SRRM4: variants seen among roughly 807,000 people sequenced by gnomAD.
SRRM4 encodes serine/arginine repetitive matrix protein 4.
In SRRM4, 33 loss-of-function variants were observed where a neutral mutation model predicts 68.9. The observed-to-expected ratio is 0.48, with a 90% CI of 0.36 to 0.64. The LOEUF is 0.64. Ranked by LOEUF, SRRM4 falls within the 30% of genes least tolerant of loss-of-function variation. SRRM4 has a pLI of 0.00. For missense variants in SRRM4, 817 were observed against 827.1 expected, an observed-to-expected ratio of 0.99 and a Z score of 0.15; for synonymous variants, 318 against 318.8, an observed-to-expected ratio of 1.00 and a Z score of 0.03.
Position 119,154,311 on chromosome 12 carries a change from G to A in SRRM4, c.1460G>A (p.Arg487His), listed in dbSNP as rs374357852. Residue 487 changes from arginine to histidine, a missense_variant, in exon 12 of 13, where the codon CGT becomes CAT. Arg to His is a conservative substitution (Grantham distance 29). Transcript: ENST00000267260. The surrounding 1 kb of genome is among the most constrained non-coding windows in gnomAD (Gnocchi z 4.7). ...GAGCGCGAGCGAGCGCGTCGGAGAC[G>A]TCGGTCCTACTCGCCTATGAGAAAG... Reference protein sequence around the residue: ...QRERERARRRRRSYSPMRKRR... With the variant: ...QRERERARRRHRSYSPMRKRR... 3 of 1,612,472 alleles carry A rather than the reference G, an allele frequency of 1.9e-6. No homozygotes were observed. Among genetic ancestry groups the A allele is most frequent in the South Asian group, 1.1e-5 (1 of 90,774 alleles).
intron 1 of SRRM4, among the ~76,000 whole-genome samples, chr12:119,081,032 G>T (rs1359456071): frequency 6.6e-6 from 1 of 152,130 alleles, no homozygotes; most frequent in Non-Finnish European, 1.5e-5. Context: ...GAATCCATTT[G>T]CTTGTTCATT....
chr12:119,081,334 G>A (rs935380628), intron 1 of SRRM4, among the ~76,000 whole-genome samples: 56 of 152,226 alleles, frequency 3.7e-4, no homozygotes, highest in African/African-American at 1.3e-3. Flanking sequence ...TCACTAAAAA[G>A]GTCATATTTG....
intron 7 of SRRM4, among the ~76,000 whole-genome samples, chr12:119,128,714 G>C (rs1176481026): frequency 6.6e-6 from 1 of 152,234 alleles, no homozygotes; most frequent in African/African-American, 2.4e-5. Context: ...ATAGGCACCA[G>C]GTTAGTGTGA....
chr12:119,133,891 C>T (rs1954312168), intron 8 of SRRM4, among the ~76,000 whole-genome samples: 1 of 152,078 alleles, frequency 6.6e-6, no homozygotes, highest in Admixed American at 6.5e-5. Context: ...AATTGGTGCT[C>T]AGATGCTTAT....
chr12:119,005,966 A>G (rs1327859702), intron 1 of SRRM4, among the ~76,000 whole-genome samples: 1 of 152,212 alleles, frequency 6.6e-6, no homozygotes, highest in Non-Finnish European at 1.5e-5. Flanking sequence ...ATCTTGCCAG[A>G]TGGGTCTCAC....
rs1594023928 is a variant in SRRM4, at chr12:119,007,278, A to G, written c.131+25265A>G. Among the ~76,000 whole-genome samples the G allele has an allele frequency of 2.0e-5, 3 of 152,392 alleles. No individual in the cohort carries two copies. The South Asian group carries it at 6.2e-4, about 32-fold the overall frequency. On this transcript the variant is annotated intron_variant, in intron 1 of 12. Transcript: ENST00000267260. ...AGGAGAGAATATCCTTTTAATATTC[A>G]TCACTTGTATTAATACCAGTTTTAT...
chr12:119,051,620 T>C (rs1437535942), intron 1 of SRRM4, among the ~76,000 whole-genome samples: 1 of 152,214 alleles, frequency 6.6e-6, no homozygotes, highest in Non-Finnish European at 1.5e-5. Context: ...TGACCCCAAA[T>C]TTCTAAGAAA....
chr12:119,042,160 G>A (rs1435908847), intron 1 of SRRM4, among the ~76,000 whole-genome samples: 1 of 152,070 alleles, frequency 6.6e-6, no homozygotes, highest in African/African-American at 2.4e-5. Context: ...CAAGTCTCCT[G>A]ACTCCCAGGT....
chr12:119,153,537 A>C lies in SRRM4; in HGVS notation c.1281-2A>C, dbSNP rs1954451917. 6.4e-7 allele frequency: 1 copy of C among 1,561,396 alleles called. No individual in the cohort carries two copies. The highest frequency in any genetic ancestry group is 8.7e-7 in the Non-Finnish European group (1 of 1,152,536). Reference sequence around the variant, plus strand: ...CCTCAGAGGCTGTTACCTCTCCCCCAGGTCCTACTCCCGCTCTCCCAGCTA... The same window carrying C: ...CCTCAGAGGCTGTTACCTCTCCCCCCGGTCCTACTCCCGCTCTCCCAGCTA... On this transcript the variant is annotated splice_acceptor_variant, in intron 10 of 12. Transcript: ENST00000267260. LOFTEE classifies it high-confidence loss of function.
chr12:119,095,885 G>A (rs1208014586), intron 1 of SRRM4, among the ~76,000 whole-genome samples: 1 of 149,582 alleles, frequency 6.7e-6, no homozygotes, highest in African/African-American at 2.5e-5. Context: ...ACTTGAACCC[G>A]GGAGGCGGAT....
intron 1 of SRRM4, among the ~76,000 whole-genome samples, chr12:119,047,232 T>C (rs1040847668): frequency 4.6e-5 from 7 of 152,178 alleles, no homozygotes; most frequent in African/African-American, 1.7e-4. Context: ...TTAACAAGCA[T>C]GTACATTTGT....
intron 1 of SRRM4, among the ~76,000 whole-genome samples, chr12:119,059,036 C>A (rs1462160946): frequency 6.6e-6 from 1 of 152,148 alleles, no homozygotes; most frequent in East Asian, 1.9e-4. Flanking sequence ...CACCTCTGCC[C>A]AGCCCTCCTC....
chr12:119,080,179 A>G (rs1014009199), intron 1 of SRRM4, among the ~76,000 whole-genome samples: 1 of 149,890 alleles, frequency 6.7e-6, no homozygotes, highest in Non-Finnish European at 1.5e-5. Flanking sequence ...CTCAGGGAGG[A>G]AGGAGGAAGG....
chr12:119,116,948 A>G lies in SRRM4; in HGVS notation c.377A>G (p.Tyr126Cys), dbSNP rs1237539662. 6.2e-7 allele frequency: 1 copy of G among 1,613,730 alleles called. No homozygotes were observed. Among genetic ancestry groups the G allele is most frequent in the Non-Finnish European group, 8.5e-7 (1 of 1,179,764 alleles). The change falls in exon 4 of 13, where the codon TAT becomes TGT. Residue 126 changes from tyrosine (Y) to cysteine (C), a missense_variant. Physicochemically the swap from Tyr to Cys is radical, Grantham distance 194. Transcript: ENST00000267260. The part of the protein sequence containing the change: ...TRKKRRRSSS[Y>C]SPSPVKKKKK... ...CTTGGCCCTGGCAGGTCCTCATCCTATAGCCCATCGCCTGTCAAGAAAAAG... is the reference window on the plus strand; with the variant it reads ...CTTGGCCCTGGCAGGTCCTCATCCTGTAGCCCATCGCCTGTCAAGAAAAAG...
chr12:119,121,364 C>T (rs931212004), intron 5 of SRRM4, among the ~76,000 whole-genome samples: 3 of 152,214 alleles, frequency 2.0e-5, no homozygotes, highest in African/African-American at 7.2e-5. Flanking sequence ...CCTCCCTGAT[C>T]TCTATTTGAT....
intron 7 of SRRM4, among the ~76,000 whole-genome samples, chr12:119,128,439 A>G: frequency 6.6e-6 from 1 of 152,204 alleles, no homozygotes; most frequent in East Asian, 1.9e-4. Flanking sequence ...AATGCTCCCC[A>G]AACCACCTAT....
intron 1 of SRRM4, among the ~76,000 whole-genome samples, chr12:119,093,199 C>T (rs1230799470): frequency 6.6e-6 from 1 of 152,218 alleles, no homozygotes; most frequent in Non-Finnish European, 1.5e-5. Context: ...TTATTTTCTG[C>T]TCTCTTCCTA....
intron 1 of SRRM4, among the ~76,000 whole-genome samples, chr12:119,048,038 C>A (rs1005922092): frequency 3.9e-5 from 6 of 152,228 alleles, no homozygotes; most frequent in Admixed American, 6.5e-5. Flanking sequence ...CTTCTGTGTG[C>A]ATGTTACTTT....
intron 1 of SRRM4, among the ~76,000 whole-genome samples, chr12:119,002,536 A>G (rs922249371): frequency 6.6e-6 from 1 of 152,234 alleles, no homozygotes; most frequent in African/African-American, 2.4e-5. Context: ...CATTTGGGAC[A>G]GGATGAAAAT....
Sources: allele counts gnomAD v4.1 joint callset (sites outside exome capture counted in the v4.1 genomes callset), GRCh38; gene constraint gnomAD v4.1.1; non-coding constraint Gnocchi (gnomAD v3.1); transcripts MANE v1.5; gene names NCBI Gene and HGNC (gene_info 2026-07-23, HGNC 2026-07-21).